The following QTRT1 variants were observed in gnomAD, a reference collection of about 807,000 sequenced individuals.
QTRT1 encodes the protein queuine tRNA-ribosyltransferase catalytic subunit 1, also known as TGT, 43-KD subunit.
A neutral mutation model predicts 44.0 loss-of-function variants in QTRT1; 41 were observed. The ratio of observed to expected loss-of-function variants is 0.93; its 90% confidence interval spans 0.73 to 1.21. QTRT1 has a LOEUF of 1.21. Ranked by LOEUF, QTRT1 falls within the 50% of genes most tolerant of loss-of-function variation. The pLI, the probability that QTRT1 is intolerant of heterozygous loss-of-function variation, is 0.00. For synonymous variants in QTRT1, 226 were observed against 237.1 expected (o/e 0.95, Z 0.43); for missense variants, 542 against 575.8 (o/e 0.94, Z 0.60).
intron 3 of QTRT1, among the ~76,000 whole-genome samples, chr19:10,706,249 C>T (rs1344998881): frequency 6.6e-6 from 1 of 152,108 alleles, no homozygotes; most frequent in Non-Finnish European, 1.5e-5. Flanking sequence ...TGGTCTCGAA[C>T]TCCTGGGCTC....
chr19:10,707,579 G>A lies in QTRT1; in HGVS notation c.610G>A (p.Gly204Arg). The change falls in exon 5 of 10, where the codon GGG becomes AGG. Residue 204 changes from glycine to arginine, a missense_variant. Gly to Arg is a moderately radical substitution (Grantham distance 125). Transcript: ENST00000250237. ...GAACCTCTTCGCCATTATCCAGGGT[G>A]GGCTGGACGCAGATCTCCGGGCCAC... ...KQNLFAIIQG[G>R]LDADLRATCL... is the part of the protein sequence containing the mutation. The A allele has an allele frequency of 1.2e-6, 2 of 1,611,032 alleles. No homozygotes were observed. Among genetic ancestry groups the A allele is most frequent in the Non-Finnish European group, 1.7e-6 (2 of 1,178,636 alleles).
chr19:10,709,248 G>A (rs2068728066), intron 5 of QTRT1: 1 of 152,260 alleles, frequency 6.6e-6, no homozygotes. Flanking sequence ...TTGAACAATA[G>A]CACAATTCTG....
At chr19:10,701,845 G>A (rs2068690504) in intron 1 of QTRT1, 105 bp from the exon 2 acceptor site, 1 of 1,576,346 alleles carries the variant, frequency 6.3e-7, no homozygotes, top group Non-Finnish European at 8.7e-7. Context: ...CCTTGTACTG[G>A]GCGTGAAAGA....
chr19:10,711,060 G>C (rs1251621182), intron 5 of QTRT1: 3 of 152,188 alleles, frequency 2.0e-5, no homozygotes, highest in African/African-American at 7.2e-5. Flanking sequence ...CATGCGTTAT[G>C]TATTTGTCCT....
chr19:10,710,191 AAAG>A (rs1198451143), intron 5 of QTRT1, among the ~76,000 whole-genome samples: 1 of 152,182 alleles, frequency 6.6e-6, no homozygotes, highest in Non-Finnish European at 1.5e-5. Context: ...TCTCAAAAAA[AAAG>A]AAGAAAAGAA....
rs749206113 is a variant in QTRT1 at position 10,713,173 on chromosome 19, T to G, written c.1115T>G (p.Phe372Cys). The change falls in exon 10 of 10, where the codon TTC becomes TGC. Residue 372 changes from phenylalanine to cysteine, a missense_variant. Transcript: ENST00000250237. The surrounding 1 kb of genome is among the most constrained non-coding windows in gnomAD (Gnocchi z 4.3). Reference sequence around the variant, plus strand: ...ATCGTGGAGAAGCGCTTCCCGGACTTCGTGCGGGACTTCATGGGCGCCATG... The same window carrying G: ...ATCGTGGAGAAGCGCTTCCCGGACTGCGTGCGGGACTTCATGGGCGCCATG... ...TSIVEKRFPD[F>C]VRDFMGAMYG... 6.2e-7 allele frequency: 1 copy of G among 1,609,928 alleles called. No individual in the cohort carries two copies. Among genetic ancestry groups the G allele is most frequent in the Non-Finnish European group, 8.5e-7 (1 of 1,178,208 alleles).
intron 4 of QTRT1, 35 bp from the exon 5 acceptor site, chr19:10,707,465 G>A: frequency 6.2e-7 from 1 of 1,609,402 alleles, no homozygotes; most frequent in Non-Finnish European, 8.5e-7. Context: ...CCCCTCACCA[G>A]GCCCCTGGGG....
chr19:10,707,250 TC>T, intron 3 of QTRT1, 51 bp from the exon 4 acceptor site: 2 of 1,586,678 alleles, frequency 1.3e-6, no homozygotes, highest in Non-Finnish European at 1.7e-6. Context: ...CGGCAGGCTT[TC>T]CCCAAGCATT....
chr19:10,702,048 G>C (rs766768780), intron 2 of QTRT1, 30 bp downstream of exon 2: 1 of 1,614,078 alleles, frequency 6.2e-7, no homozygotes, highest in South Asian at 1.1e-5. Context: ...GACGTTCTAG[G>C]GCCCTTCTCT....
Position 10,712,789 on chromosome 19 carries a change from A to G in QTRT1, c.893A>G (p.Asn298Ser), listed in dbSNP as rs1295945844. Reference protein sequence around the residue: ...RFGSALVPTGNLQLRKKVFEK... With the variant: ...RFGSALVPTGSLQLRKKVFEK... ...GGCTCTGCCCTGGTGCCCACTGGGA[A>G]CCTGCAGTTGAGGAAGAAGGTGTTT... The change falls in exon 8 of 10, where the codon AAC (asparagine) becomes AGC (serine). Residue 298 changes from asparagine (N) to serine (S), a missense_variant. Asn to Ser is a conservative substitution (Grantham distance 46). Transcript: ENST00000250237. The surrounding 1 kb of genome is among the most constrained non-coding windows in gnomAD (Gnocchi z 5.6). 1.2e-6 allele frequency: 2 copies of G among 1,613,842 alleles called. No individual in the cohort carries two copies. The highest frequency in any genetic ancestry group is 2.7e-5 in the African/African-American group (2 of 74,994).
In QTRT1 at chr19:10,712,108, A is replaced by T. The variant is rs1011178662; in HGVS notation, c.647-53A>T. 23 of 1,607,384 alleles carry T rather than the reference A, an allele frequency of 1.4e-5. No individual in the cohort carries two copies. Among genetic ancestry groups the T allele is most frequent in the Non-Finnish European group, 1.9e-5 (22 of 1,179,348 alleles). On this transcript the variant is annotated intron_variant, in intron 5 of 9. Transcript: ENST00000250237. This position sits in a 1 kb window ranked among gnomAD's most constrained non-coding sequence, Gnocchi z 5.6. ...CTGGGCAGGGTGTGTTCTGGGATTG[A>T]AGACCAGGCGCATTTCCTCTTCTGT...
At position 10,712,581 on chromosome 19, in the gene QTRT1, G is replaced by A. The variant is rs764251932; in HGVS notation, c.814G>A (p.Ala272Thr). 1.2e-6 allele frequency: 2 copies of A among 1,613,664 alleles called. No individual in the cohort carries two copies. Among genetic ancestry groups the A allele is most frequent in the African/African-American group, 1.3e-5 (1 of 74,844 alleles). ...GYATDLVVCV[A>T]LGCDMFDCVF... The stretch of plus-strand genomic sequence containing the variant: ...TGCCACTGATCTGGTAGTCTGCGTG[G>A]CTCTTGGATGTGACATGTTCGACTG... The change falls in exon 7 of 10, where the codon GCT (alanine) becomes ACT (threonine). Residue 272 changes from alanine (A) to threonine (T), a missense_variant. Ala to Thr is a moderately conservative substitution (Grantham distance 58). Coordinates refer to ENST00000250237, the MANE Select transcript of QTRT1 (RefSeq NM_031209.3). The surrounding 1 kb of genome is among the most constrained non-coding windows in gnomAD (Gnocchi z 5.6).
intron 3 of QTRT1, among the ~76,000 whole-genome samples, chr19:10,706,467 G>T (rs2145620884): frequency 6.6e-6 from 1 of 152,060 alleles, no homozygotes; most frequent in African/African-American, 2.4e-5. Context: ...CCGTCTTCCG[G>T]GTTCAAGCGA....
At chr19:10,701,807 G>C (rs1331997593) in intron 1 of QTRT1, 104 bp downstream of exon 1, 1 of 1,570,700 alleles carries the variant, frequency 6.4e-7, no homozygotes, top group Non-Finnish European at 8.7e-7. Context: ...CAATCGACCA[G>C]CTGTATTGAG....
chr19:10,712,180 G>A lies in QTRT1; in HGVS notation c.666G>A (p.Val222=). The A allele has an allele frequency of 6.2e-7, 1 of 1,613,300 alleles. No individual in the cohort carries two copies. The highest frequency in any genetic ancestry group is 8.5e-7 in the Non-Finnish European group (1 of 1,180,046). Residue 222 remains valine, a synonymous_variant, in exon 6 of 10, where the codon GTG becomes GTA. Coordinates refer to ENST00000250237, the MANE Select transcript of QTRT1 (RefSeq NM_031209.3). This position sits in a 1 kb window ranked among gnomAD's most constrained non-coding sequence, Gnocchi z 5.6. Reference sequence around the variant, plus strand: ...CCTCAGAGATGACCAAGCGAGACGTGCCTGGCTTCGCCATCGGGGGCCTGA... The same window carrying A: ...CCTCAGAGATGACCAAGCGAGACGTACCTGGCTTCGCCATCGGGGGCCTGA... The part of the protein sequence containing the change: ...TCLEEMTKRD[V]PGFAIGGLSG...
intron 5 of QTRT1, chr19:10,709,404 A>G (rs188293737): frequency 6.6e-6 from 1 of 152,190 alleles, no homozygotes; most frequent in South Asian, 2.1e-4. Context: ...TGACATAGTG[A>G]GATCCCATCT....
Position 10,712,341 on chromosome 19 carries a change from G to A in QTRT1, c.785+42G>A. ...GAAGCCAGAGCCCTACCTGTGGGAA[G>A]TGGATTCCTGGGGACCCCCTACCCT... is the stretch of plus-strand genomic sequence containing the variant. On this transcript the variant is annotated intron_variant, in intron 6 of 9. Coordinates refer to ENST00000250237, the MANE Select transcript of QTRT1 (RefSeq NM_031209.3). The surrounding 1 kb of genome is among the most constrained non-coding windows in gnomAD (Gnocchi z 5.6). 1.3e-6 allele frequency: 2 copies of A among 1,579,232 alleles called. No homozygotes were observed. Among genetic ancestry groups the A allele is most frequent in the Non-Finnish European group, 1.7e-6 (2 of 1,162,108 alleles).
At chr19:10,703,251 C>T (rs771229668) in intron 3 of QTRT1, among the ~76,000 whole-genome samples, 3 of 150,806 alleles carry the variant, frequency 2.0e-5, no homozygotes, top group East Asian at 2.0e-4. Flanking sequence ...TTTGTAGAGA[C>T]GGGTTTCACT....
At chr19:10,702,660 T>TA (rs529135076) in intron 3 of QTRT1, among the ~76,000 whole-genome samples, 48 of 141,312 alleles carry the variant, frequency 3.4e-4, no homozygotes, top group Non-Finnish European at 5.3e-4. Flanking sequence ...AAATAAAAAA[T>TA]AAAAAAAACA....
Sources: allele counts gnomAD v4.1 joint callset (sites outside exome capture counted in the v4.1 genomes callset), GRCh38; gene constraint gnomAD v4.1.1; non-coding constraint Gnocchi (gnomAD v3.1); transcripts MANE v1.5; gene names NCBI Gene and HGNC (gene_info 2026-07-23, HGNC 2026-07-21).